The following GTPBP10 variants were observed in gnomAD, a reference collection of about 807,000 sequenced individuals.
The protein encoded by GTPBP10 is GTP-binding protein 10.
Under a neutral mutation model 44.8 loss-of-function variants are expected in GTPBP10, and 38 were observed. That is an observed-to-expected ratio of 0.85 (90% CI 0.65 to 1.11). The LOEUF (loss-of-function observed/expected upper bound fraction) is 1.11. GTPBP10 is among the 50% of genes most tolerant of loss of function. GTPBP10 has a pLI of 0.00. For synonymous variants in GTPBP10, 152 were observed against 150.6 expected (o/e 1.01, Z -0.07); for missense variants, 462 against 453.7 (o/e 1.02, Z -0.17).
intron 4 of GTPBP10, 100 bp from the exon 5 acceptor site, chr7:90,372,055 A>G: frequency 1.5e-6 from 1 of 668,778 alleles, no homozygotes; most frequent in Non-Finnish European, 2.5e-6. Flanking sequence ...TTTATATTCT[A>G]CTTTTAATCC....
chr7:90,381,821 T>G (rs1309720175), intron 8 of GTPBP10, among the ~76,000 whole-genome samples: 2 of 152,136 alleles, frequency 1.3e-5, no homozygotes, highest in Non-Finnish European at 2.9e-5. Context: ...AAAGGACAGT[T>G]TTCTTCGTCA....
At chr7:90,372,482 C>CTTTTTTTTTTTTTTTTTTTTTTTTTTTTT (rs757973599) in intron 5 of GTPBP10, among the ~76,000 whole-genome samples, 7 of 112,232 alleles carry the variant, frequency 6.2e-5, no homozygotes, top group African/African-American at 2.8e-4. Context: ...GCTTGGCTAA[C>CTTTTTTTTTTTTTTTTTTTTTTTTTTTTT]TTTTTTTTTT....
intron 9 of GTPBP10, among the ~76,000 whole-genome samples, 181 bp from the exon 10 acceptor site, chr7:90,384,711 C>T (rs1796492443): frequency 6.6e-6 from 1 of 151,786 alleles, no homozygotes; most frequent in South Asian, 2.1e-4. Flanking sequence ...TGTTATGTGC[C>T]AAGAACCTTA....
intron 4 of GTPBP10, among the ~76,000 whole-genome samples, chr7:90,364,238 GCT>G (rs1362773951): frequency 6.6e-6 from 1 of 152,172 alleles, no homozygotes; most frequent in Non-Finnish European, 1.5e-5. Flanking sequence ...CAGCTTTTCT[GCT>G]CTGTTTTTTT....
intron 4 of GTPBP10, among the ~76,000 whole-genome samples, chr7:90,363,128 A>G (rs1796061609): frequency 6.6e-6 from 1 of 152,154 alleles, no homozygotes; most frequent in Non-Finnish European, 1.5e-5. Flanking sequence ...CATTTAGCCC[A>G]TTTACATTTA....
intron 5 of GTPBP10, among the ~76,000 whole-genome samples, 155 bp downstream of exon 5, chr7:90,372,383 G>T (rs1299734718): frequency 1.3e-5 from 2 of 151,262 alleles, no homozygotes; most frequent in Non-Finnish European, 2.9e-5. Flanking sequence ...AAGTGCAGTT[G>T]CATGATCATG....
At position 90,386,161 on chromosome 7, in the gene GTPBP10, A is replaced by G. The variant is rs936254588; in HGVS notation, c.*1007A>G. ...TCCTTTACTTAGGATGTCCCTATTG[A>G]GATCATTTTTTAAATTTATGTGGAA... On this transcript the variant is annotated 3_prime_UTR_variant, in exon 10 of 10. Coordinates refer to ENST00000222511, the MANE Select transcript of GTPBP10 (RefSeq NM_033107.4). The G allele has an allele frequency of 1.3e-5, 2 of 152,118 alleles. No homozygotes were observed. Among genetic ancestry groups the G allele is most frequent in the African/African-American group, 4.8e-5 (2 of 41,438 alleles). 9.4% of individuals were successfully genotyped at this position (152,118 alleles called of 1,614,324 possible). A position where few individuals can be genotyped will look rare whatever the true frequency, so the allele number is the denominator to read the frequency against.
Position 90,385,227 on chromosome 7 carries a change from C to T in GTPBP10, c.*73C>T, listed in dbSNP as rs892876601. On this transcript the variant is annotated 3_prime_UTR_variant, in exon 10 of 10. Transcript: ENST00000222511. The stretch of plus-strand genomic sequence containing the variant: ...AAGGAAATCCTTTCATCTGTGACAA[C>T]CTGGAGGACATGTTAAGTAAAATAA... 34 of 1,067,412 alleles carry T rather than the reference C, an allele frequency of 3.2e-5. No homozygotes were observed. The Admixed American group carries it at 7.8e-4, about 24-fold the overall frequency. 66.1% of individuals were successfully genotyped at this position (1,067,412 alleles called of 1,614,324 possible). A position where few individuals can be genotyped will look rare whatever the true frequency, so the allele number is the denominator to read the frequency against.
intron 4 of GTPBP10, among the ~76,000 whole-genome samples, chr7:90,365,692 A>G (rs1238151471): frequency 6.6e-6 from 1 of 152,190 alleles, no homozygotes; most frequent in African/African-American, 2.4e-5. Context: ...TTCTAAATAT[A>G]CAATCATGTC....
chr7:90,380,148 G>A (rs976639104), intron 8 of GTPBP10, among the ~76,000 whole-genome samples: 9 of 145,102 alleles, frequency 6.2e-5, no homozygotes, highest in South Asian at 2.2e-4. Context: ...GCACAGTCTC[G>A]GCTTAATGCA....
At chr7:90,352,723 T>G in intron 1 of GTPBP10, 93 bp from the exon 2 acceptor site, 1 of 988,698 alleles carries the variant, frequency 1.0e-6, no homozygotes, top group Non-Finnish European at 1.4e-6. Context: ...AACGACTTTT[T>G]TAGAAGAAGT....
In GTPBP10 at chr7:90,360,786, C is replaced by A. The variant is rs28782294; in HGVS notation, c.464+5556C>A. Reference sequence around the variant, plus strand: ...CTATCGATGAGCATGGAATGTTCTTCCATTTGTTTGTGTCCTCTTTTATTT... The same window carrying A: ...CTATCGATGAGCATGGAATGTTCTTACATTTGTTTGTGTCCTCTTTTATTT... On this transcript the variant is annotated intron_variant, in intron 4 of 9. Transcript: ENST00000222511. Among the ~76,000 whole-genome samples the A allele has an allele frequency of 4.7e-4, 72 of 152,254 alleles. 1 individual carries two copies. The highest frequency in any genetic ancestry group is 1.7e-3 in the African/African-American group (72 of 41,544).
Position 90,374,284 on chromosome 7 carries a change from T to G in GTPBP10, c.539-18T>G. 6.4e-7 allele frequency: 1 copy of G among 1,558,212 alleles called. No homozygotes were observed. Among genetic ancestry groups the G allele is most frequent in the African/African-American group, 1.4e-5 (1 of 73,856 alleles). On this transcript the variant is annotated intron_variant, in intron 5 of 9. Transcript: ENST00000222511. ...AAAATAAATTCTAGCCTTAATTTAT[T>G]GCTGTGTTTCCTTTTAGTTACAACA... is the stretch of plus-strand genomic sequence containing the variant.
chr7:90,371,172 T>C, intron 4 of GTPBP10: 4 of 965,456 alleles, frequency 4.1e-6, no homozygotes, highest in Non-Finnish European at 4.9e-6. Flanking sequence ...AAAGAAAAAG[T>C]TGTCTATGAA....
Position 90,355,147 on chromosome 7 carries a change from ACTTACAAATTT to A in GTPBP10, c.387_397del (p.Asn130IlefsTer11), listed in dbSNP as rs1328173508. ...CTCAAGGAGGTCTTGGTGGTAAATT[ACTTACAAATTT>A]CTTACCATTGAAAGGCCAGAAACGA... On this transcript the variant is annotated frameshift_variant, in exon 4 of 10. Transcript: ENST00000222511. LOFTEE classifies it high-confidence loss of function. The A allele has an allele frequency of 6.2e-7, 1 of 1,605,542 alleles. No individual in the cohort carries two copies. The highest frequency in any genetic ancestry group is 8.5e-7 in the Non-Finnish European group (1 of 1,173,732).
chr7:90,359,245 A>G (rs1795966180), intron 4 of GTPBP10, among the ~76,000 whole-genome samples: 2 of 152,048 alleles, frequency 1.3e-5, no homozygotes, highest in African/African-American at 2.4e-5. Context: ...TGCTGCACCC[A>G]TCAACTCGTC....
At chr7:90,353,685 A>G (rs1203906636) in intron 2 of GTPBP10, among the ~76,000 whole-genome samples, 2 of 152,206 alleles carry the variant, frequency 1.3e-5, no homozygotes, top group Admixed American at 6.5e-5. Flanking sequence ...TAGAATTACT[A>G]AAACATTTGT....
At chr7:90,376,707 T>A (rs1027329275) in intron 6 of GTPBP10, among the ~76,000 whole-genome samples, 2 of 152,224 alleles carry the variant, frequency 1.3e-5, no homozygotes, top group African/African-American at 4.8e-5. Flanking sequence ...ACCAACCTAA[T>A]ACTTTGTAAG....
intron 6 of GTPBP10, among the ~76,000 whole-genome samples, chr7:90,374,632 A>G (rs1038318085): frequency 6.6e-6 from 1 of 152,110 alleles, no homozygotes; most frequent in Non-Finnish European, 1.5e-5. Flanking sequence ...TTTTACTACT[A>G]TATTGGATTA....
Sources: allele counts gnomAD v4.1 joint callset (sites outside exome capture counted in the v4.1 genomes callset), GRCh38; gene constraint gnomAD v4.1.1; transcripts MANE v1.5; gene names NCBI Gene and HGNC (gene_info 2026-07-23, HGNC 2026-07-21).